Variants in MAP3K3 observed in about 807,000 individuals in gnomAD.
MAP3K3 encodes mitogen-activated protein kinase kinase kinase 3.
Under a neutral mutation model 80.9 loss-of-function variants are expected in MAP3K3, and 12 were observed. That is an observed-to-expected ratio of 0.15 (90% CI 0.10 to 0.24). The LOEUF is 0.24. MAP3K3 is among the 10% of genes least tolerant of loss of function. The probability of loss-of-function intolerance (pLI) is 1.00; values close to 1 mark genes in which losing one functional copy is unlikely to be tolerated. For synonymous variants in MAP3K3, 272 were observed against 307.1 expected (o/e 0.89, Z 1.19); for missense variants, 596 against 834.7 (o/e 0.71, Z 3.52).
chr17:63,646,151 T>A, intron 3 of MAP3K3, 77 bp downstream of exon 3: 3 of 1,342,436 alleles, frequency 2.2e-6, no homozygotes, highest in Non-Finnish European at 3.2e-6. Flanking sequence ...ATGGAAGTCA[T>A]TCCCCTGTCC....
intron 5 of MAP3K3, among the ~76,000 whole-genome samples, chr17:63,662,689 ACT>A (rs1174689335): frequency 1.7e-5 from 2 of 115,544 alleles, no homozygotes; most frequent in African/African-American, 7.0e-5. Context: ...ATGGAGTCTC[ACT>A]CTGTCACCCA....
chr17:63,687,929 A>G (rs2035493779), intron 8 of MAP3K3, among the ~76,000 whole-genome samples: 1 of 151,484 alleles, frequency 6.6e-6, no homozygotes, highest in African/African-American at 2.4e-5. Context: ...GCGAGACTCC[A>G]TCTCAAAAAA....
chr17:63,671,260 CT>C (rs56093750), intron 6 of MAP3K3, among the ~76,000 whole-genome samples: 111 of 141,088 alleles, frequency 7.9e-4, no homozygotes, highest in Middle Eastern at 3.7e-3. Context: ...AAATTATTTT[CT>C]TTTTTTTTTT....
rs2035605195 is a variant in MAP3K3 at position 63,692,142 on chromosome 17, C to T, written c.1475-100C>T. On this transcript the variant is annotated intron_variant, in intron 14 of 15. Transcript: ENST00000361733. This position sits in a 1 kb window ranked among gnomAD's most constrained non-coding sequence, Gnocchi z 4.5. ...CAGTTCATGTCTAATTCAGTGGTAG[C>T]CCTGCCCTCTCCAGCAGCTCTCAGT... The T allele has an allele frequency of 5.1e-6, 7 of 1,368,002 alleles. No homozygotes were observed. The highest frequency in any genetic ancestry group is 7.2e-6 in the Non-Finnish European group (7 of 972,616). 84.7% of individuals were successfully genotyped at this position (1,368,002 alleles called of 1,614,324 possible).
intron 6 of MAP3K3, among the ~76,000 whole-genome samples, chr17:63,677,127 C>T (rs558302727): frequency 7.2e-5 from 11 of 152,214 alleles, no homozygotes; most frequent in South Asian, 2.1e-4. Flanking sequence ...TTATAACTTC[C>T]GAAAGAAATT....
chr17:63,667,729 A>G (rs4456567), intron 6 of MAP3K3, among the ~76,000 whole-genome samples: 2,579 of 152,290 alleles, frequency 0.017, 70 homozygotes, highest in African/African-American at 0.058. Context: ...TGTAAATACT[A>G]TGTAAATAGT....
chr17:63,687,518 A>G (rs2035479962), intron 8 of MAP3K3, among the ~76,000 whole-genome samples: 1 of 142,538 alleles, frequency 7.0e-6, no homozygotes, highest in Non-Finnish European at 1.5e-5. Context: ...TCTCAAAAAG[A>G]AAAAAAAAAA....
rs2035690071 is a variant in MAP3K3, at chr17:63,696,228, CTA to C, written c.*2455_*2456del. The C allele has an allele frequency of 6.6e-6, 1 of 152,614 alleles. No individual in the cohort carries two copies. The highest frequency in any genetic ancestry group is 1.5e-5 in the Non-Finnish European group (1 of 68,066). The allele number at this position is 152,614 out of a possible 1,614,324, so 9.5% of individuals were successfully genotyped here. ...GGAACCTGCAGCCATAGTTATTTGACTATATCTTGACCGAGGGCTTGCAGTGC... is the reference window on the plus strand; with the variant it reads ...GGAACCTGCAGCCATAGTTATTTGACTATCTTGACCGAGGGCTTGCAGTGC... On this transcript the variant is annotated 3_prime_UTR_variant, in exon 16 of 16. Coordinates refer to ENST00000361733, the MANE Select transcript of MAP3K3 (RefSeq NM_002401.5).
chr17:63,631,960 T>C (rs1168248928), intron 1 of MAP3K3, among the ~76,000 whole-genome samples: 4 of 152,208 alleles, frequency 2.6e-5, no homozygotes, highest in Non-Finnish European at 4.4e-5. Context: ...CTCCTCCTTA[T>C]GATGCTTTAA....
At chr17:63,682,134 G>A (rs1200572914) in intron 7 of MAP3K3, among the ~76,000 whole-genome samples, 1 of 152,214 alleles carries the variant, frequency 6.6e-6, no homozygotes, top group Non-Finnish European at 1.5e-5. Context: ...GTTGTTGGGT[G>A]AGGATTTAAC....
chr17:63,659,545 T>C (rs1033282222), intron 5 of MAP3K3, among the ~76,000 whole-genome samples: 11 of 146,570 alleles, frequency 7.5e-5, no homozygotes, highest in African/African-American at 2.8e-4. Context: ...TTTTTTTTTT[T>C]TTTTGGAGAT....
rs2035621494 is a variant in MAP3K3, at chr17:63,692,862, C to T, written c.1652+443C>T. ...ATTGTGGTGGGCTGAATAATGGCCC[C>T]CCCAAAGATGTCCACTGCCTAATCC... On this transcript the variant is annotated intron_variant, in intron 15 of 15. Transcript: ENST00000361733. The surrounding 1 kb of genome is among the most constrained non-coding windows in gnomAD (Gnocchi z 4.5). 6.6e-6 allele frequency among the ~76,000 whole-genome samples: 1 copy of T among 152,192 alleles called. No individual in the cohort carries two copies. Among genetic ancestry groups the T allele is most frequent in the South Asian group, 2.1e-4 (1 of 4,836 alleles).
chr17:63,691,502 A>G lies in MAP3K3; in HGVS notation c.1345-231A>G, dbSNP rs535326579. 4.7e-4 allele frequency among the ~76,000 whole-genome samples: 71 copies of G among 152,308 alleles called. No homozygotes were observed. The highest frequency in any genetic ancestry group is 1.6e-3 in the African/African-American group (67 of 41,584). ...CCACTGTCCAGTAAATGCAGCCTTC[A>G]TCTGGAGCAGAGAGGCCTCCCTGCT... is the stretch of plus-strand genomic sequence containing the variant. On this transcript the variant is annotated intron_variant, in intron 13 of 15. Coordinates refer to ENST00000361733, the MANE Select transcript of MAP3K3 (RefSeq NM_002401.5). This position sits in a 1 kb window ranked among gnomAD's most constrained non-coding sequence, Gnocchi z 4.8.
In MAP3K3 at chr17:63,626,244, G is replaced by A. The variant is rs181308263; in HGVS notation, c.4+3481G>A. ...TGCCCATTTGTTGAATGCCTCCTAT[G>A]TGCCAGGCATAGTATTAAGCCCTGT... On this transcript the variant is annotated intron_variant, in intron 1 of 15. Coordinates refer to ENST00000361733, the MANE Select transcript of MAP3K3 (RefSeq NM_002401.5). 7.2e-5 allele frequency among the ~76,000 whole-genome samples: 11 copies of A among 152,326 alleles called. No homozygotes were observed. In the East Asian group the frequency reaches 1.7e-3, roughly 24 times the overall value.
At chr17:63,641,923 G>A (rs915022432) in intron 2 of MAP3K3, among the ~76,000 whole-genome samples, 7 of 152,194 alleles carry the variant, frequency 4.6e-5, no homozygotes, top group African/African-American at 1.7e-4. Context: ...CCTGTGCTGG[G>A]ATAGAGTCAC....
chr17:63,653,533 T>G (rs1429440543), intron 4 of MAP3K3, among the ~76,000 whole-genome samples: 1 of 152,244 alleles, frequency 6.6e-6, no homozygotes, highest in Non-Finnish European at 1.5e-5. Flanking sequence ...ATTCCTGATG[T>G]TTCTTTATTC....
At chr17:63,664,701 A>G (rs897750508) in intron 5 of MAP3K3, among the ~76,000 whole-genome samples, 2 of 152,136 alleles carry the variant, frequency 1.3e-5, no homozygotes, top group African/African-American at 4.8e-5. Flanking sequence ...GGAATGATCA[A>G]ACACCATCTT....
chr17:63,669,529 T>C (rs1044203685), intron 6 of MAP3K3, among the ~76,000 whole-genome samples: 13 of 152,042 alleles, frequency 8.6e-5, no homozygotes, highest in African/African-American at 3.1e-4. Flanking sequence ...AATGCATTGA[T>C]GCCATCTCGG....
chr17:63,651,551 A>G (rs1486985691), intron 3 of MAP3K3, among the ~76,000 whole-genome samples: 1 of 152,184 alleles, frequency 6.6e-6, no homozygotes, highest in Non-Finnish European at 1.5e-5. Context: ...CAGAGTATTA[A>G]ACTGAACTCC....
Sources: gnomAD v4.1 joint callset for allele counts (sites outside exome capture counted in the v4.1 genomes callset) on GRCh38, gnomAD v4.1.1 for gene constraint, Gnocchi (gnomAD v3.1) non-coding constraint, MANE v1.5 for transcripts, NCBI Gene and HGNC (gene_info 2026-07-23, HGNC 2026-07-21) for gene names.